ATIC: variants seen among roughly 807,000 people sequenced by gnomAD.
ATIC encodes the protein bifunctional purine biosynthesis protein ATIC.
Under a neutral mutation model 72.5 loss-of-function variants are expected in ATIC, and 64 were observed. That is an observed-to-expected ratio of 0.88 (90% CI 0.72 to 1.09). The LOEUF is 1.09. Among genes scored for constraint, ATIC ranks in the 50% least tolerant of loss-of-function variants. ATIC has a pLI of 0.00. For synonymous variants in ATIC, 281 were observed against 267.1 expected, an observed-to-expected ratio of 1.05 and a Z score of -0.51; for missense variants, 787 against 732.4, an observed-to-expected ratio of 1.07 and a Z score of -0.86.
At position 215,323,007 on chromosome 2, in the gene ATIC, C is replaced by T. The variant is rs573595464; in HGVS notation, c.291-2234C>T. On this transcript the variant is annotated intron_variant, in intron 4 of 15. Coordinates refer to ENST00000236959, the MANE Select transcript of ATIC (RefSeq NM_004044.7). Reference sequence around the variant, plus strand: ...TTGCCCAGGCTGGAGTGCAGTGGCGCGATCTTGGCTCACTGCAAGCTCTGC... The same window carrying T: ...TTGCCCAGGCTGGAGTGCAGTGGCGTGATCTTGGCTCACTGCAAGCTCTGC... Among the ~76,000 whole-genome samples, 187 of 152,086 alleles carry T rather than the reference C, an allele frequency of 1.2e-3. 1 individual carries two copies. The highest frequency in any genetic ancestry group is 6.8e-3 in the Middle Eastern group (2 of 294).
chr2:215,338,822 T>TTA lies in ATIC; in HGVS notation c.1142_1143insTA (p.Phe382ThrfsTer6). The TTA allele has an allele frequency of 6.2e-7, 1 of 1,613,900 alleles. No homozygotes were observed. The highest frequency in any genetic ancestry group is 8.5e-7 in the Non-Finnish European group (1 of 1,179,870). Reference sequence around the variant, plus strand: ...CCAGATGAAAATGAAGTTCGAACTCTCTTTGGTCTTCATTTAAGCCAGAAG... The same window carrying TTA: ...CCAGATGAAAATGAAGTTCGAACTCTTACTTTGGTCTTCATTTAAGCCAGAAG... On this transcript the variant is annotated frameshift_variant, in exon 12 of 16. Coordinates refer to ENST00000236959, the MANE Select transcript of ATIC (RefSeq NM_004044.7). LOFTEE classifies it high-confidence loss of function.
rs1259774391 is a variant in ATIC at position 215,343,172 on chromosome 2, A to G, written c.1228-1607A>G. Among the ~76,000 whole-genome samples the G allele has an allele frequency of 2.7e-5, 4 of 147,010 alleles. No individual in the cohort carries two copies. The East Asian group carries it at 7.9e-4, about 29-fold the overall frequency. Reference sequence around the variant, plus strand: ...GTATTGCTACTTTTTTTTTTTTTTTAAAGACATGGGATAGTTGTGTAGCAA... The same window carrying G: ...GTATTGCTACTTTTTTTTTTTTTTTGAAGACATGGGATAGTTGTGTAGCAA... On this transcript the variant is annotated intron_variant, in intron 12 of 15. Coordinates refer to ENST00000236959, the MANE Select transcript of ATIC (RefSeq NM_004044.7).
intron 12 of ATIC, among the ~76,000 whole-genome samples, chr2:215,343,856 G>A (rs1214565462): frequency 6.6e-6 from 1 of 152,166 alleles, no homozygotes; most frequent in Non-Finnish European, 1.5e-5. Flanking sequence ...TACAGACGTG[G>A]ACTATCATCC....
intron 11 of ATIC, among the ~76,000 whole-genome samples, chr2:215,336,715 C>A (rs2052958538): frequency 3.3e-5 from 5 of 152,196 alleles, no homozygotes; most frequent in Admixed American, 3.3e-4. Context: ...CTTACCTAGA[C>A]AGTCACCAAT....
At chr2:215,331,165 T>A (rs2052889241) in intron 7 of ATIC, among the ~76,000 whole-genome samples, 1 of 152,166 alleles carries the variant, frequency 6.6e-6, no homozygotes, top group Non-Finnish European at 1.5e-5. Flanking sequence ...TGTATACTAT[T>A]TATTGCCTAT....
At chr2:215,315,074 C>T (rs527900245) in intron 2 of ATIC, among the ~76,000 whole-genome samples, 2 of 152,166 alleles carry the variant, frequency 1.3e-5, no homozygotes, top group South Asian at 4.2e-4. Flanking sequence ...TGGAGAAAGC[C>T]AGGAAAGCCT....
chr2:215,350,402 G>A (rs1272656940), downstream of ATIC, among the ~76,000 whole-genome samples: 1 of 152,090 alleles, frequency 6.6e-6, no homozygotes, highest in Non-Finnish European at 1.5e-5. Flanking sequence ...CAAAGTGCTG[G>A]GATTACGGGC....
chr2:215,339,932 A>G (rs113560309), intron 12 of ATIC, among the ~76,000 whole-genome samples: 3,958 of 151,894 alleles, frequency 0.026, 151 homozygotes, highest in African/African-American at 0.09. Flanking sequence ...CACCATGCCC[A>G]GCCTTTATTA....
rs116094960 is a variant in ATIC, at chr2:215,317,442, C to G, written c.147-715C>G. ...CCAATAGCAACACCACTTTATTAAA[C>G]AGTCTTTTATGTCTTCACTCACTTG... is the stretch of plus-strand genomic sequence containing the variant. On this transcript the variant is annotated intron_variant, in intron 2 of 15. Coordinates refer to ENST00000236959, the MANE Select transcript of ATIC (RefSeq NM_004044.7). 8.9e-3 allele frequency among the ~76,000 whole-genome samples: 1,351 copies of G among 152,248 alleles called. 19 individuals carry two copies. The highest frequency in any genetic ancestry group is 0.031 in the African/African-American group (1,283 of 41,550).
downstream of ATIC, among the ~76,000 whole-genome samples, chr2:215,350,660 CAA>C (rs1201671682): frequency 6.6e-6 from 1 of 152,170 alleles, no homozygotes; most frequent in Non-Finnish European, 1.5e-5. Context: ...AAAATGTAGT[CAA>C]TATTTGGTGC....
At chr2:215,325,776 G>A (rs1381538661) in intron 5 of ATIC, among the ~76,000 whole-genome samples, 1 of 152,050 alleles carries the variant, frequency 6.6e-6, no homozygotes, top group Non-Finnish European at 1.5e-5. Context: ...ATGTTGGCCA[G>A]AGTGGTCTCG....
intron 7 of ATIC, among the ~76,000 whole-genome samples, chr2:215,330,427 C>T (rs979313125): frequency 3.9e-5 from 6 of 152,094 alleles, no homozygotes; most frequent in African/African-American, 4.8e-5. Flanking sequence ...CCATATACCC[C>T]GCTTCCCCGC....
chr2:215,325,886 C>A, intron 5 of ATIC, 101 bp from the exon 6 acceptor site: 2 of 1,432,428 alleles, frequency 1.4e-6, no homozygotes, highest in Non-Finnish European at 1.9e-6. Flanking sequence ...ATTTTTAAGT[C>A]AGGAATTAAA....
chr2:215,362,452 C>T, the ATIC span: 1 of 280,280 alleles, frequency 3.6e-6, no homozygotes, highest in African/African-American at 2.2e-5. Context: ...GACTTGAGAT[C>T]ACATGAAGAA....
At chr2:215,345,081 G>A in intron 13 of ATIC, 2 of 618,204 alleles carry the variant, frequency 3.2e-6, no homozygotes, top group Non-Finnish European at 5.8e-6. Context: ...ACTCAAAGTA[G>A]TTGTGCTGCT....
the ATIC span, among the ~76,000 whole-genome samples, chr2:215,354,892 G>C: frequency 1.3e-5 from 2 of 151,798 alleles, no homozygotes; most frequent in Non-Finnish European, 2.9e-5. Flanking sequence ...GCTTGAGACA[G>C]CCCAGCTGAT....
chr2:215,320,881 G>A (rs2052759310), intron 4 of ATIC, among the ~76,000 whole-genome samples: 1 of 152,162 alleles, frequency 6.6e-6, no homozygotes. Flanking sequence ...CGCCCGGCCT[G>A]CCCGGCTCTG....
intron 8 of ATIC, 42 bp from the exon 9 acceptor site, chr2:215,333,308 C>T: frequency 6.4e-7 from 1 of 1,563,688 alleles, no homozygotes; most frequent in Non-Finnish European, 8.8e-7. Context: ...CAGGTAGTAA[C>T]TTTAGCTTTC....
At chr2:215,350,917 A>T (rs2053125829), downstream of ATIC, among the ~76,000 whole-genome samples, 1 of 152,164 alleles carries the variant, frequency 6.6e-6, no homozygotes, top group Non-Finnish European at 1.5e-5. Flanking sequence ...AAAATTTCTG[A>T]AGTTTTTTCT....
Sources: gnomAD v4.1 joint callset for allele counts (sites outside exome capture counted in the v4.1 genomes callset) on GRCh38, gnomAD v4.1.1 for gene constraint, MANE v1.5 for transcripts, NCBI Gene and HGNC (gene_info 2026-07-23, HGNC 2026-07-21) for gene names.